The following VPS51 variants were observed in gnomAD, a reference collection of about 807,000 sequenced individuals.
VPS51 encodes the protein VPS51 subunit of GARP complex.
VPS51 carries 55 observed loss-of-function variants against 65.1 expected under a neutral mutation model. That is an observed-to-expected ratio of 0.84 (90% CI 0.68 to 1.06). VPS51 has a LOEUF of 1.06. VPS51 is among the 50% of genes least tolerant of loss of function. VPS51 has a pLI of 0.00. For synonymous variants in VPS51, 473 were observed against 489.5 expected (o/e 0.97, Z 0.44); for missense variants, 943 against 1,101.6 (o/e 0.86, Z 2.04).
At chr11:65,098,902 T>G (rs956396431) in intron 2 of VPS51, among the ~76,000 whole-genome samples, 2 of 152,154 alleles carry the variant, frequency 1.3e-5, no homozygotes, top group Admixed American at 1.3e-4. Flanking sequence ...GAAGCTTAAG[T>G]GAGGGGCCGG....
At chr11:65,110,903 A>G in intron 9 of VPS51, 122 bp downstream of exon 9, 4 of 1,193,234 alleles carry the variant, frequency 3.4e-6, no homozygotes, top group Non-Finnish European at 4.9e-6. Context: ...CTGACCCTCC[A>G]GTCTCTGTCT....
At position 65,108,303 on chromosome 11, in the gene VPS51, G is replaced by A. The variant is rs779830576; in HGVS notation, c.832G>A (p.Gly278Ser). ...CGAGGAGTTCCTGGCGCACGCCCGCGGCCGGCTGGAGAAGGAGCTGAGAAA... is the reference window on the plus strand; with the variant it reads ...CGAGGAGTTCCTGGCGCACGCCCGCAGCCGGCTGGAGAAGGAGCTGAGAAA... ...LCEEFLAHAR[G>S]RLEKELRNLE... Residue 278 changes from glycine to serine, a missense_variant, in exon 5 of 10, where the codon GGC (glycine) becomes AGC (serine). Gly to Ser is a moderately conservative substitution (Grantham distance 56). Around this residue, in one of 2 missense-constraint regions of VPS51, gnomAD observed 855 missense variants for 953.7 expected, o/e 0.90. Transcript: ENST00000279281. 7.5e-6 allele frequency: 12 copies of A among 1,606,470 alleles called. No individual in the cohort carries two copies. Among genetic ancestry groups the A allele is most frequent in the Middle Eastern group, 1.7e-4 (1 of 5,954 alleles).
chr11:65,108,460 G>T lies in VPS51; in HGVS notation c.989G>T (p.Gly330Val), dbSNP rs375782577. ...AAYQELFAAQ[G>V]PAGAEKLAAF... ...TACCAGGAGCTGTTTGCGGCCCAGG[G>T]CCCAGCAGGTGCCGAGAAGCTGGCG... Residue 330 changes from glycine (G) to valine (V), a missense_variant, in exon 5 of 10, where the codon GGC (glycine) becomes GTC (valine). Coordinates refer to ENST00000279281, the MANE Select transcript of VPS51 (RefSeq NM_013265.4). 67 of 1,610,402 alleles carry T rather than the reference G, an allele frequency of 4.2e-5. No individual in the cohort carries two copies. In the African/African-American group the frequency reaches 8.7e-4, roughly 21 times the overall value.
Position 65,107,551 on chromosome 11 carries a change from C to T in VPS51, c.359-30C>T, listed in dbSNP as rs368031475. 8 of 1,557,276 alleles carry T rather than the reference C, an allele frequency of 5.1e-6. No homozygotes were observed. The highest frequency in any genetic ancestry group is 6.1e-6 in the Non-Finnish European group (7 of 1,144,426). ...TGCGCCCGCCCTGCAGTCACCTGCTCTCCCCTTTTCCCCGCCCCTGCCCTC... is the reference window on the plus strand; with the variant it reads ...TGCGCCCGCCCTGCAGTCACCTGCTTTCCCCTTTTCCCCGCCCCTGCCCTC... On this transcript the variant is annotated intron_variant, in intron 2 of 9. Transcript: ENST00000279281. This position sits in a 1 kb window ranked among gnomAD's most constrained non-coding sequence, Gnocchi z 4.0.
chr11:65,096,811 G>T (rs917949152), intron 1 of VPS51, 187 bp from the exon 2 acceptor site: 2 of 851,356 alleles, frequency 2.3e-6, no homozygotes, highest in East Asian at 5.4e-5. Flanking sequence ...CACCAAACAC[G>T]GTTGAACCTA....
At position 65,111,795 on chromosome 11, in the gene VPS51, C is replaced by T. The variant is rs1947906590; in HGVS notation, c.*208C>T. The T allele has an allele frequency of 4.0e-6, 4 of 1,009,972 alleles. No individual in the cohort carries two copies. The highest frequency in any genetic ancestry group is 5.6e-6 in the Non-Finnish European group (4 of 710,962). 62.6% of individuals were successfully genotyped at this position (1,009,972 alleles called of 1,614,324 possible). A position where few individuals can be genotyped will look rare whatever the true frequency, so the allele number is the denominator to read the frequency against. ...CCCGCGTCGGGTCCGCCCCCGAGCG[C>T]CGATTGGCTGGTGTGCTGGGCCCAG... On this transcript the variant is annotated 3_prime_UTR_variant, in exon 10 of 10. Transcript: ENST00000279281.
At chr11:65,109,998 A>C in intron 7 of VPS51, 75 bp downstream of exon 7, 1 of 1,439,224 alleles carries the variant, frequency 6.9e-7, no homozygotes, top group Non-Finnish European at 9.4e-7. Context: ...CTGGGGCAGC[A>C]GAGGATCACT....
At position 65,108,793 on chromosome 11, in the gene VPS51, G is replaced by A. The variant is rs1201495000; in HGVS notation, c.1322G>A (p.Gly441Asp). 6.2e-7 allele frequency: 1 copy of A among 1,612,816 alleles called. No homozygotes were observed. Among genetic ancestry groups the A allele is most frequent in the South Asian group, 1.1e-5 (1 of 91,086 alleles). ...CGCGTGGCTGGGAAGGAGGGCCCTG[G>A]CCTGGCCGAGTTGCTGGCCAATGTG... is the stretch of plus-strand genomic sequence containing the variant. Reference protein sequence around the residue: ...APRVAGKEGPGLAELLANVAS... With the variant: ...APRVAGKEGPDLAELLANVAS... Residue 441 changes from glycine (G) to aspartate (D), a missense_variant, in exon 5 of 10, where the codon GGC becomes GAC. Gly to Asp is a moderately conservative substitution (Grantham distance 94). Coordinates refer to ENST00000279281, the MANE Select transcript of VPS51 (RefSeq NM_013265.4).
chr11:65,107,846 G>T lies in VPS51; in HGVS notation c.549G>T (p.Leu183=). ...LLRKLQFLFE[L]PSRLTKCVEL... is the part of the protein sequence containing the mutation. ...GGAAGCTGCAGTTCCTCTTTGAGCT[G>T]CCCTCGCGCCTCACCAAGTGCGTGG... The change falls in exon 4 of 10, where the codon CTG becomes CTT. Residue 183 remains leucine (L), a synonymous_variant. Coordinates refer to ENST00000279281, the MANE Select transcript of VPS51 (RefSeq NM_013265.4). This position sits in a 1 kb window ranked among gnomAD's most constrained non-coding sequence, Gnocchi z 4.0. The T allele has an allele frequency of 1.3e-6, 2 of 1,553,106 alleles. No homozygotes were observed. Among genetic ancestry groups the T allele is most frequent in the Non-Finnish European group, 8.7e-7 (1 of 1,149,870 alleles).
At position 65,096,837 on chromosome 11, in the gene VPS51, G is replaced by A. The variant is rs1337457602; in HGVS notation, c.229-161G>A. On this transcript the variant is annotated intron_variant, in intron 1 of 9. Coordinates refer to ENST00000279281, the MANE Select transcript of VPS51 (RefSeq NM_013265.4). Reference sequence around the variant, plus strand: ...GTTGAACCTAGTAACCCCTGAGCTAGGCCACTTAGGGCCCCCTGCCTGGGA... The same window carrying A: ...GTTGAACCTAGTAACCCCTGAGCTAAGCCACTTAGGGCCCCCTGCCTGGGA... 4.6e-6 allele frequency: 5 copies of A among 1,095,256 alleles called. No individual in the cohort carries two copies. The Admixed American group carries it at 9.6e-5, about 21-fold the overall frequency. 67.8% of individuals were successfully genotyped at this position (1,095,256 alleles called of 1,614,324 possible).
chr11:65,103,762 A>G (rs1253670499), intron 2 of VPS51, among the ~76,000 whole-genome samples: 1 of 152,148 alleles, frequency 6.6e-6, no homozygotes, highest in African/African-American at 2.4e-5. Flanking sequence ...AGATATTTCC[A>G]GATTCTTCTT....
chr11:65,109,670 A>G (rs370231303), intron 6 of VPS51, 35 bp from the exon 7 acceptor site: 5 of 1,536,562 alleles, frequency 3.3e-6, no homozygotes, highest in African/African-American at 2.7e-5. Flanking sequence ...CCCCCACCAT[A>G]CCCACTCCCT....
intron 4 of VPS51, 87 bp from the exon 5 acceptor site, chr11:65,108,110 C>T (rs1218060495): frequency 1.3e-6 from 2 of 1,533,294 alleles, no homozygotes; most frequent in Non-Finnish European, 1.7e-6. Context: ...GAGCTGTCCC[C>T]CTGCCCTGTG....
In VPS51 at chr11:65,107,807, C is replaced by T. The variant is rs1253701948; in HGVS notation, c.510C>T (p.Val170=). The change falls in exon 4 of 10, where the codon GTC becomes GTT. Residue 170 remains valine (V), a synonymous_variant. Coordinates refer to ENST00000279281, the MANE Select transcript of VPS51 (RefSeq NM_013265.4). This position sits in a 1 kb window ranked among gnomAD's most constrained non-coding sequence, Gnocchi z 4.0. The part of the protein sequence containing the change: ...RHERITKLAG[V]HALLRKLQFL... The stretch of plus-strand genomic sequence containing the variant: ...ACGTCACCCTCCGTCCCCCAGGGGT[C>T]CACGCGCTGCTGCGGAAGCTGCAGT... 1.3e-6 allele frequency: 2 copies of T among 1,577,502 alleles called. No individual in the cohort carries two copies. Among genetic ancestry groups the T allele is most frequent in the Non-Finnish European group, 1.7e-6 (2 of 1,163,646 alleles).
In VPS51 at chr11:65,096,342, G is replaced by A; in HGVS notation, c.92G>A (p.Arg31Gln). ...GAGGGGGAGGCTCCGGAGCGTCGGC[G>A]GAAGGCGCACGGGATGCTGAAGCTT... is the stretch of plus-strand genomic sequence containing the variant. ...GPEGEAPERR[R>Q]KAHGMLKLYY... Residue 31 changes from arginine (R) to glutamine (Q), a missense_variant, in exon 1 of 10, where the codon CGG becomes CAG. By Grantham distance (43) the Arg-to-Gln change is conservative. Coordinates refer to ENST00000279281, the MANE Select transcript of VPS51 (RefSeq NM_013265.4). 6.6e-7 allele frequency: 1 copy of A among 1,522,154 alleles called. No homozygotes were observed. The highest frequency in any genetic ancestry group is 8.8e-7 in the Non-Finnish European group (1 of 1,141,980). 94.3% of individuals were successfully genotyped at this position (1,522,154 alleles called of 1,614,324 possible). A position where few individuals can be genotyped will look rare whatever the true frequency, so the allele number is the denominator to read the frequency against.
chr11:65,101,380 TAGAA>T (rs1947807004), intron 2 of VPS51, among the ~76,000 whole-genome samples: 1 of 152,158 alleles, frequency 6.6e-6, no homozygotes, highest in South Asian at 2.1e-4. Flanking sequence ...GTGTCAAAAT[TAGAA>T]AGATCTCAAA....
At chr11:65,110,178 TTA>T in intron 7 of VPS51, 1 of 620,408 alleles carries the variant, frequency 1.6e-6, no homozygotes, top group Admixed American at 3.0e-5. Flanking sequence ...CAGCCCAGGA[TTA>T]TGACATCTTC....
At position 65,110,358 on chromosome 11, in the gene VPS51, C is replaced by G. The variant is rs552000770; in HGVS notation, c.1879-124C>G. On this transcript the variant is annotated intron_variant, in intron 7 of 9. Coordinates refer to ENST00000279281, the MANE Select transcript of VPS51 (RefSeq NM_013265.4). ...ACCATGTACCTACTAAATAGCGGGC[C>G]CCGCGGTGATTACCCTGTGATCCTT... is the stretch of plus-strand genomic sequence containing the variant. 2.0e-6 allele frequency: 3 copies of G among 1,523,842 alleles called. No homozygotes were observed. The African/African-American group carries it at 4.1e-5, about 21-fold the overall frequency. 94.4% of individuals were successfully genotyped at this position (1,523,842 alleles called of 1,614,324 possible). A position where few individuals can be genotyped will look rare whatever the true frequency, so the allele number is the denominator to read the frequency against.
intron 8 of VPS51, 31 bp from the exon 9 acceptor site, chr11:65,110,663 G>A (rs1380505334): frequency 6.2e-7 from 1 of 1,614,046 alleles, no homozygotes; most frequent in Non-Finnish European, 8.5e-7. Flanking sequence ...GGTGCAGGGC[G>A]GGCTCTGATT....
Sources: allele counts gnomAD v4.1 joint callset (sites outside exome capture counted in the v4.1 genomes callset), GRCh38; gene constraint gnomAD v4.1.1; regional missense constraint gnomAD v4.1.1; non-coding constraint Gnocchi (gnomAD v3.1); transcripts MANE v1.5; gene names NCBI Gene and HGNC (gene_info 2026-07-23, HGNC 2026-07-21).